The following NDRG2 variants were observed in gnomAD, a reference collection of about 807,000 sequenced individuals.
The protein encoded by NDRG2 is protein NDRG2.
NDRG2 carries 34 observed loss-of-function variants against 58.2 expected under a neutral mutation model. The ratio of observed to expected loss-of-function variants is 0.58; its 90% CI spans 0.44 to 0.78. NDRG2 has a LOEUF of 0.78. NDRG2 is among the 30% of genes least tolerant of loss of function. NDRG2 has a pLI of 0.00. For synonymous variants in NDRG2, 187 were observed against 175.9 expected, an observed-to-expected ratio of 1.06 and a Z score of -0.50; for missense variants, 434 against 471.2, an observed-to-expected ratio of 0.92 and a Z score of 0.73.
At chr14:21,023,976 C>T in intron 1 of NDRG2, 54 bp downstream of exon 1, 1 of 986,260 alleles carries the variant, frequency 1.0e-6, no homozygotes, top group Non-Finnish European at 1.2e-6. Flanking sequence ...AGCAGAGCAC[C>T]TGGACAGACC....
upstream of NDRG2, chr14:21,030,311 A>C: frequency 2.3e-6 from 1 of 437,956 alleles, no homozygotes; most frequent in Non-Finnish European, 4.2e-6. Flanking sequence ...TAAGGTACAT[A>C]AAAGAGGTAG....
chr14:21,070,740 C>G lies in NDRG2; in HGVS notation c.24+88G>C. On this transcript the variant is annotated intron_variant, in intron 1 of 14. Coordinates refer to the NDRG2 transcript ENST00000403829. The surrounding 1 kb of genome is among the most constrained non-coding windows in gnomAD (Gnocchi z 4.7). ...CTGGAGCTTCCCTCCCCCTCCTGGTCCGAGCTCCTTACCCGCGGGAGACCC... is the reference window on the plus strand; with the variant it reads ...CTGGAGCTTCCCTCCCCCTCCTGGTGCGAGCTCCTTACCCGCGGGAGACCC... 7.0e-7 allele frequency: 1 copy of G among 1,424,956 alleles called. No homozygotes were observed. The highest frequency in any genetic ancestry group is 2.0e-5 in the Admixed American group (1 of 50,010). 88.3% of individuals were successfully genotyped at this position (1,424,956 alleles called of 1,614,324 possible). A position where few individuals can be genotyped will look rare whatever the true frequency, so the allele number is the denominator to read the frequency against.
chr14:21,023,363 T>TC (rs1277305805), intron 1 of NDRG2, 42 bp from the exon 2 acceptor site: 2 of 1,540,808 alleles, frequency 1.3e-6, no homozygotes, highest in Non-Finnish European at 1.8e-6. Flanking sequence ...TGTCTCTACA[T>TC]CCCCACATCG....
At chr14:21,059,817 G>A (rs769193282) in intron 1 of NDRG2, among the ~76,000 whole-genome samples, 14 of 152,188 alleles carry the variant, frequency 9.2e-5, no homozygotes, top group Non-Finnish European at 1.8e-4. Context: ...CAGCCATGGC[G>A]CTCAGCCCAT....
intron 1 of NDRG2, chr14:21,031,236 C>A (rs1743891960): frequency 1.3e-6 from 2 of 1,556,650 alleles, no homozygotes; most frequent in East Asian, 2.3e-5. Context: ...CCCTCCCTAA[C>A]CCTGCCAACT....
upstream of NDRG2, among the ~76,000 whole-genome samples, chr14:21,028,212 G>C (rs969999409): frequency 1.3e-5 from 2 of 151,872 alleles, no homozygotes; most frequent in African/African-American, 2.4e-5. Context: ...GAATAATCTG[G>C]TTCTTAGGTT....
rs79586271 is a variant in NDRG2, at chr14:21,021,584, C to A, written c.407+233G>T. On this transcript the variant is annotated intron_variant, in intron 6 of 15. Coordinates refer to ENST00000556147, the MANE Select transcript of NDRG2 (RefSeq NM_001320329.2). ...GGCCCTCCTTAGCCTGAGGCAGGGCCAAGCATAGACCCTTTTCCTTCCCTC... is the reference window on the plus strand; with the variant it reads ...GGCCCTCCTTAGCCTGAGGCAGGGCAAAGCATAGACCCTTTTCCTTCCCTC... The A allele has an allele frequency of 4.7e-3, 2,597 of 549,198 alleles. 12 individuals carry two copies. The highest frequency in any genetic ancestry group is 7.8e-3 in the Middle Eastern group (17 of 2,192). 34.0% of individuals were successfully genotyped at this position (549,198 alleles called of 1,614,324 possible).
At chr14:21,032,656 T>G (rs1274159612) in intron 1 of NDRG2, 1 of 341,974 alleles carries the variant, frequency 2.9e-6, no homozygotes, top group Non-Finnish European at 5.7e-6. Context: ...GAACTAAGTT[T>G]TACCCCACAT....
intron 1 of NDRG2, chr14:21,043,728 CAT>C: frequency 2.4e-6 from 1 of 409,392 alleles, no homozygotes; most frequent in Non-Finnish European, 4.5e-6. Context: ...TGCCATTGCA[CAT>C]GTCTCCCCTG....
At position 21,040,869 on chromosome 14, in the gene NDRG2, T is replaced by G. The variant is rs145001436; in HGVS notation, c.25-17548A>C. On this transcript the variant is annotated intron_variant, in intron 1 of 14. Transcript: ENST00000403829. ...ACCAACCCCTATACTGTTCTACTTT[T>G]TTCCCTAGCCATTATCACTTTGAGC... Among the ~76,000 whole-genome samples, 1,440 of 152,368 alleles carry G rather than the reference T, an allele frequency of 9.5e-3. 20 individuals are homozygous for G. The highest frequency in any genetic ancestry group is 0.033 in the African/African-American group (1,372 of 41,584).
chr14:21,051,297 G>A lies in NDRG2; in HGVS notation c.24+19531C>T, dbSNP rs548429755. On this transcript the variant is annotated intron_variant, in intron 1 of 14. Coordinates refer to the NDRG2 transcript ENST00000403829. ...TTTCATGCTGAAAAATGAGAAAATA[G>A]ACATAGAGCACTTGGAACAGTGACT... Among the ~76,000 whole-genome samples, 3 of 152,268 alleles carry A rather than the reference G, an allele frequency of 2.0e-5. No individual in the cohort carries two copies. The South Asian group carries it at 6.2e-4, about 32-fold the overall frequency.
chr14:21,025,212 A>C (rs1338786119), upstream of NDRG2: 7 of 860,766 alleles, frequency 8.1e-6, no homozygotes, highest in South Asian at 2.1e-4. This position sits in a 1 kb window ranked among gnomAD's most constrained non-coding sequence, Gnocchi z 5.1. Flanking sequence ...ACTGCCGCTC[A>C]GGAAAGGGTT....
Position 21,070,418 on chromosome 14 carries a change from C to A in NDRG2, c.24+410G>T. On this transcript the variant is annotated intron_variant, in intron 1 of 14. Transcript: ENST00000403829. This position sits in a 1 kb window ranked among gnomAD's most constrained non-coding sequence, Gnocchi z 4.7. The stretch of plus-strand genomic sequence containing the variant: ...AGCCATGGTGAGTCCAGCGTCGCAG[C>A]CCCCTGGGTCCCCTCGGCCTTCGCG... 3.6e-6 allele frequency: 5 copies of A among 1,404,886 alleles called. No individual in the cohort carries two copies. The highest frequency in any genetic ancestry group is 3.7e-6 in the Non-Finnish European group (4 of 1,088,498). 87.0% of individuals were successfully genotyped at this position (1,404,886 alleles called of 1,614,324 possible). A position where few individuals can be genotyped will look rare whatever the true frequency, so the allele number is the denominator to read the frequency against.
chr14:21,022,307 C>G, intron 4 of NDRG2, 85 bp downstream of exon 4: 1 of 1,567,466 alleles, frequency 6.4e-7, no homozygotes, highest in Non-Finnish European at 8.8e-7. Flanking sequence ...CCACACTGAC[C>G]CCTCCCCTCC....
chr14:21,066,899 TA>T (rs1302817639), intron 1 of NDRG2, among the ~76,000 whole-genome samples: 1 of 152,244 alleles, frequency 6.6e-6, no homozygotes, highest in African/African-American at 2.4e-5. Flanking sequence ...ACAGATTTTT[TA>T]CCCTAAAATA....
intron 1 of NDRG2, among the ~76,000 whole-genome samples, chr14:21,055,324 A>G (rs1885628079): frequency 6.6e-6 from 1 of 152,216 alleles, no homozygotes; most frequent in African/African-American, 2.4e-5. Context: ...AATCAACTTC[A>G]TGCTACTTTA....
At chr14:21,058,318 G>A (rs767937886) in intron 1 of NDRG2, 1 of 1,613,220 alleles carries the variant, frequency 6.2e-7, no homozygotes, top group East Asian at 2.2e-5. Context: ...GTGACCCAGG[G>A]TACCCACTTG....
intron 1 of NDRG2, among the ~76,000 whole-genome samples, chr14:21,057,128 T>C (rs922756718): frequency 3.2e-4 from 49 of 152,170 alleles, no homozygotes; most frequent in African/African-American, 1.2e-3. Context: ...TTTCACATGT[T>C]TTTCTTCAAG....
intron 11 of NDRG2, 54 bp downstream of exon 11, chr14:21,019,062 G>T: frequency 6.6e-7 from 1 of 1,522,536 alleles, no homozygotes; most frequent in Non-Finnish European, 8.9e-7. Flanking sequence ...AGGGACACAA[G>T]CTCCTAGGGA....
Sources: allele counts gnomAD v4.1 joint callset (sites outside exome capture counted in the v4.1 genomes callset), GRCh38; gene constraint gnomAD v4.1.1; non-coding constraint Gnocchi (gnomAD v3.1); transcripts MANE v1.5; gene names NCBI Gene and HGNC (gene_info 2026-07-23, HGNC 2026-07-21).